The following SYNPO variants were observed in gnomAD, a reference collection of about 807,000 sequenced individuals.
SYNPO encodes synaptopodin.
SYNPO carries 19 observed loss-of-function variants against 49.5 expected under a neutral mutation model. The ratio of observed to expected loss-of-function variants is 0.38; its 90% confidence interval spans 0.27 to 0.56. The LOEUF (loss-of-function observed/expected upper bound fraction) is 0.56. Among genes scored for constraint, SYNPO ranks in the 20% least tolerant of loss-of-function variants. The pLI, the probability that SYNPO is intolerant of heterozygous loss-of-function variation, is 0.68. For missense variants in SYNPO, 1,131 were observed against 1,248.3 expected, an observed-to-expected ratio of 0.91 and a Z score of 1.42; for synonymous variants, 536 against 548.0, an observed-to-expected ratio of 0.98 and a Z score of 0.31.
Position 150,652,120 on chromosome 5 carries a change from G to T in SYNPO, c.2028+1817G>T. 3.0e-6 allele frequency: 3 copies of T among 1,001,722 alleles called. No individual in the cohort carries two copies. The South Asian group carries it at 1.4e-4, about 47-fold the overall frequency. The allele number at this position is 1,001,722 out of a possible 1,614,324, so 62.1% of individuals were successfully genotyped here. On this transcript the variant is annotated intron_variant, in intron 2 of 2. Transcript: ENST00000307662. ...TTAGTGAGCTCATTTCACACAGATC[G>T]AGGGGGTATGCGTGGGGGAGTTGTG...
chr5:150,619,178 G>T (rs538089447), intron 2 of SYNPO, among the ~76,000 whole-genome samples: 2 of 152,222 alleles, frequency 1.3e-5, no homozygotes, highest in South Asian at 4.1e-4. Flanking sequence ...GGGGGTGCTG[G>T]GGACGCGGCA....
rs751452946 is a variant in SYNPO at position 150,648,647 on chromosome 5, A to G, written c.372A>G (p.Pro124=). ...IQQNSSEAQL[P]SNGTGPASKP... ...AGAATTCCTCAGAGGCCCAACTCCC[A>G]TCTAATGGCACAGGGCCTGCTTCCA... Residue 124 remains proline (P), a synonymous_variant, in exon 2 of 3, where the codon CCA becomes CCG. Transcript: ENST00000307662. This position sits in a 1 kb window ranked among gnomAD's most constrained non-coding sequence, Gnocchi z 5.0. 4 of 1,614,050 alleles carry G rather than the reference A, an allele frequency of 2.5e-6. No homozygotes were observed. In the East Asian group the frequency reaches 8.9e-5, roughly 36 times the overall value.
At chr5:150,631,748 G>T (rs1306941526) in intron 2 of SYNPO, among the ~76,000 whole-genome samples, 1 of 152,126 alleles carries the variant, frequency 6.6e-6, no homozygotes, top group Non-Finnish European at 1.5e-5. Flanking sequence ...ACTTCTTGAG[G>T]TGGCTAAATG....
chr5:150,651,244 CA>C (rs1226984385), intron 2 of SYNPO: 2 of 1,002,574 alleles, frequency 2.0e-6, no homozygotes, highest in Non-Finnish European at 2.4e-6. Flanking sequence ...TAAAAGAAGC[CA>C]CCTCAGCGCA....
chr5:150,618,073 G>A (rs1757030297), intron 1 of SYNPO: 1 of 309,580 alleles, frequency 3.2e-6, no homozygotes. Context: ...GCTTTCTCAT[G>A]TGCTGTTTCT....
intron 2 of SYNPO, among the ~76,000 whole-genome samples, chr5:150,632,769 C>T (rs932605167): frequency 1.3e-5 from 2 of 152,166 alleles, no homozygotes; most frequent in South Asian, 2.1e-4. Flanking sequence ...AAAGAGTAGC[C>T]GGTGCTATTC....
At chr5:150,618,423 C>A in exon 2 of SYNPO, 1 of 1,551,630 alleles carries the variant, frequency 6.4e-7, no homozygotes, top group Non-Finnish European at 8.7e-7. Flanking sequence ...GGGAGGCCTA[C>A]CCCCTGCGCC....
chr5:150,602,646 A>G (rs1192824092), intron 1 of SYNPO, among the ~76,000 whole-genome samples: 2 of 152,024 alleles, frequency 1.3e-5, no homozygotes, highest in Non-Finnish European at 2.9e-5. Flanking sequence ...TTAGAGACAG[A>G]GTCTCGCTCT....
At chr5:150,650,595 G>A in intron 2 of SYNPO, 1 of 1,451,474 alleles carries the variant, frequency 6.9e-7, no homozygotes, top group Non-Finnish European at 9.1e-7. Context: ...AGAACTGTCT[G>A]GCAGCCCTGA....
At chr5:150,624,991 C>G (rs2151378611) in intron 2 of SYNPO, 1 of 984,462 alleles carries the variant, frequency 1.0e-6, no homozygotes, top group African/African-American at 1.7e-5. Flanking sequence ...CCGGCGCCGC[C>G]CAGGAGGAGG....
chr5:150,608,452 G>C (rs1377120075), intron 1 of SYNPO: 1 of 152,126 alleles, frequency 6.6e-6, no homozygotes, highest in East Asian at 1.9e-4. Context: ...GAGGCAGCCG[G>C]GCCCACATCT....
the SYNPO span, among the ~76,000 whole-genome samples, chr5:150,590,975 C>T: frequency 2.0e-5 from 3 of 152,162 alleles, no homozygotes; most frequent in Non-Finnish European, 4.4e-5. Context: ...TTTCTGCCCC[C>T]CTCCCAGCCC....
At position 150,648,156 on chromosome 5, in the gene SYNPO, C is replaced by T. The variant is rs1758176433; in HGVS notation, c.-120C>T. On this transcript the variant is annotated 5_prime_UTR_variant, in exon 2 of 3. Coordinates refer to ENST00000307662, the MANE Select transcript of SYNPO (RefSeq NM_007286.6). The surrounding 1 kb of genome is among the most constrained non-coding windows in gnomAD (Gnocchi z 5.0). ...CAGCCAGGAGTCCCTCAGAGTGCTC[C>T]CTTCAAGCCTCCCAGGCCATGCACC... The T allele has an allele frequency of 2.6e-6, 4 of 1,555,974 alleles. No individual in the cohort carries two copies. The East Asian group carries it at 9.7e-5, about 38-fold the overall frequency.
Position 150,649,597 on chromosome 5 carries a change from G to A in SYNPO, c.1322G>A (p.Ser441Asn), listed in dbSNP as rs748873312. ...QQEPAPRDRASPAAAEEVVPE... is the reference protein window; with the variant it reads ...QQEPAPRDRANPAAAEEVVPE... The stretch of plus-strand genomic sequence containing the variant: ...GAGCCAGCACCTCGTGACAGGGCCA[G>A]CCCCGCGGCGGCGGAGGAGGTGGTA... Residue 441 changes from serine to asparagine, a missense_variant, in exon 2 of 3, where the codon AGC becomes AAC. This residue lies in a region of SYNPO where 602 missense variants were observed against 720.7 expected (regional missense o/e 0.84). Transcript: ENST00000307662. 6.2e-7 allele frequency: 1 copy of A among 1,609,798 alleles called. No homozygotes were observed. Among genetic ancestry groups the A allele is most frequent in the Admixed American group, 1.7e-5 (1 of 59,894 alleles).
rs1053027414 is a variant in SYNPO at position 150,650,082 on chromosome 5, C to T, written c.1807C>T (p.Pro603Ser). The stretch of plus-strand genomic sequence containing the variant: ...CTCCTTGGACCTGGTGCCCAACCTG[C>T]CCAAGGGGGCTCTCCCTCCATCTCC... ...PSSLDLVPNL[P>S]KGALPPSPAL... Residue 603 changes from proline to serine, a missense_variant, in exon 2 of 3, where the codon CCC becomes TCC. By Grantham distance (74) the Pro-to-Ser change is moderately conservative. Transcript: ENST00000307662. 6.2e-7 allele frequency: 1 copy of T among 1,613,402 alleles called. No homozygotes were observed. The highest frequency in any genetic ancestry group is 1.3e-5 in the African/African-American group (1 of 74,944).
intron 2 of SYNPO, chr5:150,651,524 G>A: frequency 6.0e-6 from 6 of 1,001,416 alleles, no homozygotes; most frequent in Non-Finnish European, 7.2e-6. Flanking sequence ...GCGTTAGATG[G>A]CTGTGAGGGT....
chr5:150,605,759 T>TAC (rs34727103), intron 1 of SYNPO, among the ~76,000 whole-genome samples: 40,250 of 142,046 alleles, frequency 0.28, 5,943 homozygotes, highest in Middle Eastern at 0.44. Context: ...CACACACACA[T>TAC]ACACACACAC....
chr5:150,651,975 C>T, intron 2 of SYNPO: 3 of 1,000,462 alleles, frequency 3.0e-6, no homozygotes, highest in Non-Finnish European at 3.6e-6. Context: ...CTTCTCTTTC[C>T]CAGCCCTAGT....
In SYNPO at chr5:150,624,899, C is replaced by A. The variant is rs566771027; in HGVS notation, c.400+6132C>A. 2.5e-3 allele frequency: 2,495 copies of A among 985,466 alleles called. 46 individuals are homozygous for A. In the African/African-American group the frequency reaches 0.039, roughly 16 times the overall value. 61.0% of individuals were successfully genotyped at this position (985,466 alleles called of 1,614,324 possible). A position where few individuals can be genotyped will look rare whatever the true frequency, so the allele number is the denominator to read the frequency against. Reference sequence around the variant, plus strand: ...CCGGGAGCTCGGGGACCGTGCGCAGCGGCTGGAGGTGAGTGAGGGGCGCTG... The same window carrying A: ...CCGGGAGCTCGGGGACCGTGCGCAGAGGCTGGAGGTGAGTGAGGGGCGCTG... On this transcript the variant is annotated intron_variant, in intron 2 of 2. Coordinates refer to the SYNPO transcript ENST00000394243.
Sources: gnomAD v4.1 joint callset for allele counts (sites outside exome capture counted in the v4.1 genomes callset) on GRCh38, gnomAD v4.1.1 for gene constraint, gnomAD v4.1.1 regional missense constraint, Gnocchi (gnomAD v3.1) non-coding constraint, MANE v1.5 for transcripts, NCBI Gene and HGNC (gene_info 2026-07-23, HGNC 2026-07-21) for gene names.